MGAT4C: variants seen among roughly 807,000 people sequenced by gnomAD.
MGAT4C encodes MGAT4 family member C.
MGAT4C carries 19 observed loss-of-function variants against 40.1 expected under a neutral mutation model. The ratio of observed to expected loss-of-function variants is 0.47; its 90% confidence interval spans 0.33 to 0.70. The LOEUF is 0.70. Among genes scored for constraint, MGAT4C ranks in the 30% least tolerant of loss-of-function variants. The pLI is 0.02. For synonymous variants in MGAT4C, 181 were observed against 187.1 expected, an observed-to-expected ratio of 0.97 and a Z score of 0.27; for missense variants, 491 against 563.2, an observed-to-expected ratio of 0.87 and a Z score of 1.30.
chr12:86,219,438 G>A (rs1189875203), intron 1 of MGAT4C, among the ~76,000 whole-genome samples: 5 of 152,122 alleles, frequency 3.3e-5, no homozygotes, highest in Non-Finnish European at 5.9e-5. Flanking sequence ...CAATAAAAAC[G>A]TCAGATGGTA....
intron 3 of MGAT4C, among the ~76,000 whole-genome samples, chr12:86,374,996 T>C (rs559513701): frequency 1.6e-4 from 25 of 152,264 alleles, no homozygotes; most frequent in African/African-American, 5.5e-4. Context: ...GGAATGGTAA[T>C]CCACTTCTTT....
At chr12:86,753,351 G>A (rs1951253433) in intron 1 of MGAT4C, among the ~76,000 whole-genome samples, 1 of 152,094 alleles carries the variant, frequency 6.6e-6, no homozygotes, top group Admixed American at 6.6e-5. Flanking sequence ...AATTAATTTG[G>A]CTCATCCCTT....
At chr12:86,580,289 A>G (rs1283223978) in intron 2 of MGAT4C, among the ~76,000 whole-genome samples, 1 of 151,446 alleles carries the variant, frequency 6.6e-6, no homozygotes, top group African/African-American at 2.4e-5. Context: ...CACTTTTTAA[A>G]TCATTTAACA....
At chr12:86,296,373 GCTGC>G (rs1953676030) in intron 4 of MGAT4C, among the ~76,000 whole-genome samples, 1 of 152,226 alleles carries the variant, frequency 6.6e-6, no homozygotes, top group South Asian at 2.1e-4. Context: ...TGCAGGTGGA[GCTGC>G]CTGCCAGTCC....
chr12:86,440,524 C>T (rs1957207948), intron 2 of MGAT4C, among the ~76,000 whole-genome samples: 1 of 152,036 alleles, frequency 6.6e-6, no homozygotes, highest in Admixed American at 6.6e-5. Flanking sequence ...CCAACTCATA[C>T]TGAATGGGGA....
rs1039036155 is a variant in MGAT4C at position 85,959,228 on chromosome 12, A to C, written c.*20061T>G. 5.3e-5 allele frequency: 8 copies of C among 152,120 alleles called. No homozygotes were observed. The highest frequency in any genetic ancestry group is 7.4e-5 in the Non-Finnish European group (5 of 67,990). The allele number at this position is 152,120 out of a possible 1,614,324, so 9.4% of individuals were successfully genotyped here. On this transcript the variant is annotated 3_prime_UTR_variant, in exon 5 of 5. Transcript: ENST00000611864. Reference sequence around the variant, plus strand: ...TGCTTTGAAGAAGAAACCTTAAGCAACTAGAAATGTCAATCTAAAAGGCAG... The same window carrying C: ...TGCTTTGAAGAAGAAACCTTAAGCACCTAGAAATGTCAATCTAAAAGGCAG...
At chr12:86,258,284 A>AATCTATCT (rs10534958), upstream of MGAT4C, among the ~76,000 whole-genome samples, 1,171 of 146,740 alleles carry the variant, frequency 8.0e-3, 3 homozygotes, top group East Asian at 8.7e-3. Flanking sequence ...AACAGGATAT[A>AATCTATCT]ATCTATCTAT....
chr12:86,549,468 G>T (rs192691053), intron 2 of MGAT4C, among the ~76,000 whole-genome samples: 16 of 152,140 alleles, frequency 1.1e-4, no homozygotes, highest in African/African-American at 3.9e-4. Flanking sequence ...AATATAATGT[G>T]ATTTTCTTTT....
At chr12:86,738,912 A>G (rs1283601719) in intron 1 of MGAT4C, among the ~76,000 whole-genome samples, 1 of 150,896 alleles carries the variant, frequency 6.6e-6, no homozygotes, top group Non-Finnish European at 1.5e-5. Context: ...TATTACTGGG[A>G]AAAAGCTCTT....
chr12:86,571,317 G>A (rs1268024557), intron 2 of MGAT4C, among the ~76,000 whole-genome samples: 1 of 151,942 alleles, frequency 6.6e-6, no homozygotes, highest in African/African-American at 2.4e-5. Flanking sequence ...ACTCTACTGG[G>A]CATAAGATAA....
At chr12:86,431,196 T>C (rs547802181) in intron 3 of MGAT4C, among the ~76,000 whole-genome samples, 6 of 152,248 alleles carry the variant, frequency 3.9e-5, no homozygotes, top group African/African-American at 1.4e-4. Flanking sequence ...GGCAATGAGG[T>C]TGACTGGTAT....
intron 2 of MGAT4C, among the ~76,000 whole-genome samples, chr12:85,994,897 A>T (rs1886434644): frequency 6.6e-6 from 1 of 152,202 alleles, no homozygotes; most frequent in African/African-American, 2.4e-5. Flanking sequence ...GCTATGATTG[A>T]TAGTAAAATA....
chr12:86,481,808 G>T (rs1477415997), intron 2 of MGAT4C, among the ~76,000 whole-genome samples: 1 of 151,302 alleles, frequency 6.6e-6, no homozygotes, highest in Non-Finnish European at 1.5e-5. Context: ...AAAGAGATGG[G>T]GTCTTGCTAT....
At chr12:86,755,865 C>T (rs1308271204) in intron 1 of MGAT4C, among the ~76,000 whole-genome samples, 3 of 151,880 alleles carry the variant, frequency 2.0e-5, no homozygotes, top group Non-Finnish European at 4.4e-5. Context: ...CCAGTCTAGT[C>T]ACAAACTCCT....
At chr12:86,136,280 ACT>A (rs1458669641) in intron 1 of MGAT4C, among the ~76,000 whole-genome samples, 2 of 152,168 alleles carry the variant, frequency 1.3e-5, no homozygotes, top group Admixed American at 6.5e-5. Context: ...ACAAAATAAA[ACT>A]CTGTCTTTAT....
At chr12:86,500,043 G>A (rs7139304) in intron 2 of MGAT4C, among the ~76,000 whole-genome samples, 1 of 151,572 alleles carries the variant, frequency 6.6e-6, no homozygotes, top group African/African-American at 2.4e-5. Context: ...GCAGAGAGCA[G>A]CCAAAGCTTA....
At chr12:86,197,760 C>A in intron 1 of MGAT4C, among the ~76,000 whole-genome samples, 1 of 152,134 alleles carries the variant, frequency 6.6e-6, no homozygotes, top group Non-Finnish European at 1.5e-5. Flanking sequence ...ACATCATCAT[C>A]TTTTTAACTC....
chr12:86,118,336 A>C (rs1396100838), intron 1 of MGAT4C, among the ~76,000 whole-genome samples: 1 of 152,148 alleles, frequency 6.6e-6, no homozygotes, highest in Non-Finnish European at 1.5e-5. Flanking sequence ...AGATGACAAA[A>C]AATTCTGGGA....
At chr12:86,324,149 G>T (rs1366117400) in intron 4 of MGAT4C, among the ~76,000 whole-genome samples, 1 of 151,768 alleles carries the variant, frequency 6.6e-6, no homozygotes, top group Non-Finnish European at 1.5e-5. Flanking sequence ...AATCTCCACA[G>T]TTAAAAACAA....
Sources: allele counts gnomAD v4.1 joint callset (sites outside exome capture counted in the v4.1 genomes callset), GRCh38; gene constraint gnomAD v4.1.1; transcripts MANE v1.5; gene names NCBI Gene and HGNC (gene_info 2026-07-23, HGNC 2026-07-21).